Variants in MTUS1 observed in about 807,000 individuals in gnomAD.
MTUS1 encodes the protein microtubule-associated tumor suppressor 1.
MTUS1 carries 109 observed loss-of-function variants against 120.8 expected under a neutral mutation model. The ratio of observed to expected loss-of-function variants is 0.90; its 90% CI spans 0.77 to 1.06. The LOEUF (loss-of-function observed/expected upper bound fraction) is 1.06. Among genes scored for constraint, MTUS1 ranks in the 50% least tolerant of loss-of-function variants. The pLI is 0.00. For synonymous variants in MTUS1, 737 were observed against 550.5 expected (o/e 1.34, Z -4.74); for missense variants, 2,210 against 1,486.3 (o/e 1.49, Z -8.01).
chr8:17,710,674 G>A (rs1254877170), intron 6 of MTUS1, among the ~76,000 whole-genome samples: 1 of 152,152 alleles, frequency 6.6e-6, no homozygotes, highest in Non-Finnish European at 1.5e-5. Context: ...GTTCTTAATG[G>A]CATCTAGAAG....
chr8:17,697,667 C>T (rs1818254148), intron 6 of MTUS1: 1 of 1,069,974 alleles, frequency 9.3e-7, no homozygotes, highest in East Asian at 6.5e-5. Context: ...CCACATCACA[C>T]TGTGCATGCT....
intron 6 of MTUS1, chr8:17,697,441 C>T (rs1585769471): frequency 6.3e-7 from 1 of 1,589,282 alleles, no homozygotes; most frequent in East Asian, 2.3e-5. Context: ...CACATACTGT[C>T]TTTTTAAACT....
intron 1 of MTUS1, among the ~76,000 whole-genome samples, chr8:17,792,353 A>G (rs972040905): frequency 1.1e-4 from 16 of 152,346 alleles, no homozygotes; most frequent in Middle Eastern, 3.4e-3. Flanking sequence ...TATATCTACA[A>G]GGTTATACAT....
chr8:17,798,752 T>C (rs1208846092), intron 1 of MTUS1, among the ~76,000 whole-genome samples: 1 of 151,784 alleles, frequency 6.6e-6, no homozygotes, highest in East Asian at 1.9e-4. Flanking sequence ...GAAATTTGTG[T>C]ATGTCAAAAC....
chr8:17,767,720 G>T (rs1038453360), intron 1 of MTUS1, among the ~76,000 whole-genome samples: 3 of 96,194 alleles, frequency 3.1e-5, no homozygotes, highest in Non-Finnish European at 6.6e-5. Flanking sequence ...AAAAAAAAAC[G>T]GTGTGAAAGA....
intron 1 of MTUS1, among the ~76,000 whole-genome samples, chr8:17,775,565 G>A (rs568394211): frequency 1.1e-4 from 17 of 152,328 alleles, no homozygotes; most frequent in African/African-American, 3.8e-4. Context: ...AGTTTCCTAA[G>A]TTTGCAAGTT....
At position 17,684,510 on chromosome 8, in the gene MTUS1, A is replaced by C. The variant is rs1331152417; in HGVS notation, c.2656T>G (p.Leu886Val). 1.2e-6 allele frequency: 2 copies of C among 1,614,136 alleles called. No homozygotes were observed. Among genetic ancestry groups the C allele is most frequent in the African/African-American group, 1.3e-5 (1 of 75,048 alleles). The change falls in exon 7 of 15, where the codon TTA becomes GTA. Residue 886 changes from leucine (L) to valine (V), a missense_variant. By Grantham distance (32) the Leu-to-Val change is conservative. Transcript: ENST00000693296. ...EKSRQKNPRS[L>V]CIQPQTAPDA... Reference sequence around the variant, plus strand: ...GGAGCTGTCTGTGGCTGGATACATAAGCTTCGAGGATTCTTTTGCCTGCTC... The same window carrying C: ...GGAGCTGTCTGTGGCTGGATACATACGCTTCGAGGATTCTTTTGCCTGCTC...
At chr8:17,683,144 T>C (rs964687066) in intron 7 of MTUS1, among the ~76,000 whole-genome samples, 1 of 151,726 alleles carries the variant, frequency 6.6e-6, no homozygotes, top group African/African-American at 2.4e-5. Flanking sequence ...TGGTGGCGGG[T>C]GCCTGCAGTC....
intron 4 of MTUS1, chr8:17,723,383 T>TA (rs2131110091): frequency 4.5e-6 from 2 of 442,466 alleles, no homozygotes; most frequent in Non-Finnish European, 4.2e-6. Flanking sequence ...TGATTCCAGT[T>TA]AGAGTCCAAA....
chr8:17,747,104 TTCTG>T (rs1438681944), intron 2 of MTUS1, among the ~76,000 whole-genome samples: 1 of 152,196 alleles, frequency 6.6e-6, no homozygotes, highest in Admixed American at 6.5e-5. Flanking sequence ...GTTAGACACC[TTCTG>T]TCTGTCTTCC....
intron 8 of MTUS1, among the ~76,000 whole-genome samples, chr8:17,656,730 CCAGT>C (rs1808338585): frequency 6.6e-6 from 1 of 151,930 alleles, no homozygotes; most frequent in Admixed American, 6.6e-5. Context: ...TCCCAGCCAG[CCAGT>C]GTGGTAGAAG....
Position 17,755,060 on chromosome 8 carries a change from C to T in MTUS1, c.748G>A (p.Val250Met). The T allele has an allele frequency of 6.2e-7, 1 of 1,613,768 alleles. No individual in the cohort carries two copies. Among genetic ancestry groups the T allele is most frequent in the Non-Finnish European group, 8.5e-7 (1 of 1,180,038 alleles). ...GAAACAAAAACCTCACTTTGCATCACCACATCAGAAAATGCTGTGTAAGTC... is the reference window on the plus strand; with the variant it reads ...GAAACAAAAACCTCACTTTGCATCATCACATCAGAAAATGCTGTGTAAGTC... Reference protein sequence around the residue: ...DMTYTAFSDVVMQSEVFVSDI... With the variant: ...DMTYTAFSDVMMQSEVFVSDI... The change falls in exon 2 of 15, where the codon GTG becomes ATG. Residue 250 changes from valine (V) to methionine (M), a missense_variant. By Grantham distance (21) the Val-to-Met change is conservative. Coordinates refer to ENST00000693296, the MANE Select transcript of MTUS1 (RefSeq NM_001363059.2).
At chr8:17,699,430 G>A (rs1388892306) in intron 6 of MTUS1, among the ~76,000 whole-genome samples, 4 of 152,002 alleles carry the variant, frequency 2.6e-5, no homozygotes, top group African/African-American at 7.3e-5. Context: ...GGCCAGGCTC[G>A]TCTCGAACTC....
At chr8:17,747,602 C>A (rs922004024) in intron 2 of MTUS1, among the ~76,000 whole-genome samples, 3 of 152,170 alleles carry the variant, frequency 2.0e-5, no homozygotes, top group African/African-American at 7.2e-5. Context: ...CTAATTAGTT[C>A]TTTCTGAATA....
intron 4 of MTUS1, chr8:17,722,218 T>TA: frequency 9.9e-7 from 1 of 1,005,478 alleles, no homozygotes; most frequent in Non-Finnish European, 1.2e-6. Context: ...TCAGACACAG[T>TA]ACTGAAACGG....
intron 6 of MTUS1, among the ~76,000 whole-genome samples, chr8:17,686,518 C>T (rs1303068079): frequency 6.6e-6 from 1 of 152,082 alleles, no homozygotes; most frequent in African/African-American, 2.4e-5. Context: ...TGTATATGTC[C>T]TACCGAAACT....
At chr8:17,744,067 G>C (rs942314878) in intron 2 of MTUS1, among the ~76,000 whole-genome samples, 1 of 152,104 alleles carries the variant, frequency 6.6e-6, no homozygotes, top group Non-Finnish European at 1.5e-5. Flanking sequence ...ATTCCAACCT[G>C]ACTCTAGTTT....
intron 6 of MTUS1, among the ~76,000 whole-genome samples, chr8:17,694,047 T>A (rs1444616980): frequency 6.6e-6 from 1 of 152,366 alleles, no homozygotes; most frequent in Middle Eastern, 3.4e-3. Context: ...TGACTTATTA[T>A]ACAAAAGTGT....
intron 6 of MTUS1, among the ~76,000 whole-genome samples, chr8:17,686,981 A>G (rs2130794395): frequency 6.6e-6 from 1 of 152,322 alleles, no homozygotes; most frequent in East Asian, 1.9e-4. Context: ...TTTATATAAT[A>G]CTTAGCTATG....
Sources: gnomAD v4.1 joint callset for allele counts (sites outside exome capture counted in the v4.1 genomes callset) on GRCh38, gnomAD v4.1.1 for gene constraint, MANE v1.5 for transcripts, NCBI Gene and HGNC (gene_info 2026-07-23, HGNC 2026-07-21) for gene names.